The following ZNF662 variants were observed in gnomAD, a reference collection of about 807,000 sequenced individuals.
ZNF662 encodes zinc finger protein 662.
Under a neutral mutation model 12.4 loss-of-function variants are expected in ZNF662, and 14 were observed. The observed-to-expected ratio is 1.13, with a 90% CI of 0.75 to 1.77. The LOEUF is 1.77. Ranked by LOEUF, ZNF662 falls within the 40% of genes most tolerant of loss-of-function variation. The pLI is 0.00. For synonymous variants in ZNF662, 184 were observed against 176.4 expected (o/e 1.04, Z -0.34); for missense variants, 550 against 515.6 (o/e 1.07, Z -0.65).
rs146480012 is a variant in ZNF662 at position 42,908,048 on chromosome 3, C to T, written c.-67C>T. 110 of 1,614,120 alleles carry T rather than the reference C, an allele frequency of 6.8e-5. No homozygotes were observed. In the East Asian group the frequency reaches 1.4e-3, roughly 20 times the overall value. ...AGTCAGTGACCTTCGAGGATGTGGCCGTCTACTTCTCTGAGAACGAATGGA... is the reference window on the plus strand; with the variant it reads ...AGTCAGTGACCTTCGAGGATGTGGCTGTCTACTTCTCTGAGAACGAATGGA... On this transcript the variant is annotated 5_prime_UTR_variant, in exon 2 of 5. Coordinates refer to ENST00000440367, the MANE Select transcript of ZNF662 (RefSeq NM_207404.4).
At position 42,917,725 on chromosome 3, in the gene ZNF662, C is replaced by T. The variant is rs1044246896; in HGVS notation, c.*2371C>T. On this transcript the variant is annotated 3_prime_UTR_variant, in exon 5 of 5. Transcript: ENST00000440367. ...GAAATCACTGTTTTCTCATACAGCTCCTCAGTGTCACCTTTTCCTCTTGCT... is the reference window on the plus strand; with the variant it reads ...GAAATCACTGTTTTCTCATACAGCTTCTCAGTGTCACCTTTTCCTCTTGCT... 1.6e-5 allele frequency: 10 copies of T among 608,004 alleles called. No individual in the cohort carries two copies. Among genetic ancestry groups the T allele is most frequent in the Non-Finnish European group, 2.6e-5 (9 of 343,776 alleles). The allele number at this position is 608,004 out of a possible 1,614,324, so 37.7% of individuals were successfully genotyped here. A position where few individuals can be genotyped will look rare whatever the true frequency, so the allele number is the denominator to read the frequency against.
intron 3 of ZNF662, among the ~76,000 whole-genome samples, chr3:42,912,700 A>ATATATAAATATATATATATATTTTT (rs2088838600): frequency 2.3e-5 from 2 of 87,034 alleles, no homozygotes; most frequent in South Asian, 3.2e-4. Context: ...TATATTTTAT[A>ATATATAAATATATATATATATTTTT]TATATAAATA....
At position 42,914,716 on chromosome 3, in the gene ZNF662, A is replaced by G; in HGVS notation, c.643A>G (p.Asn215Asp). 4 of 1,614,224 alleles carry G rather than the reference A, an allele frequency of 2.5e-6. No homozygotes were observed. The South Asian group carries it at 4.4e-5, about 18-fold the overall frequency. ...EDFDQHQKTH[N>D]GEKVYGCKEC... is the part of the protein sequence containing the mutation. ...CTTTGATCAACACCAGAAAACTCAT[A>G]ATGGAGAGAAGGTCTATGGATGTAA... is the stretch of plus-strand genomic sequence containing the variant. Residue 215 changes from asparagine (N) to aspartate (D), a missense_variant, in exon 5 of 5, where the codon AAT becomes GAT. Physicochemically the swap from Asn to Asp is conservative, Grantham distance 23. Transcript: ENST00000440367.
rs2687907 is a variant in ZNF662 at position 42,918,639 on chromosome 3, A to G, written c.*3285A>G. Among the ~76,000 whole-genome samples, 557 of 13,776 alleles carry G rather than the reference A, an allele frequency of 0.04. 6 individuals are homozygous for G. The highest frequency in any genetic ancestry group is 0.059 in the African/African-American group (543 of 9,188). The allele number at this position is 13,776 out of a possible 152,430, so 9.0% of individuals were successfully genotyped here. On this transcript the variant is annotated 3_prime_UTR_variant, in exon 5 of 5. Transcript: ENST00000440367. ...CTCTAAAGAAGTACATCTAACTTAG[A>G]ATAAGGATAAGGATAAGGGTAGTGA...
At position 42,914,905 on chromosome 3, in the gene ZNF662, T is replaced by C. The variant is rs770231514; in HGVS notation, c.832T>C (p.Cys278Arg). Residue 278 changes from cysteine to arginine, a missense_variant, in exon 5 of 5, where the codon TGT becomes CGT. Cys to Arg is a radical substitution (Grantham distance 180). Transcript: ENST00000440367. ...RIHTGEKPFE[C>R]KECGKGFSQN... is the part of the protein sequence containing the mutation. ...ACATACTGGAGAGAAACCCTTTGAA[T>C]GTAAGGAATGTGGGAAGGGCTTTAG... The C allele has an allele frequency of 5.6e-6, 9 of 1,614,228 alleles. No homozygotes were observed. In the South Asian group the frequency reaches 8.8e-5, roughly 16 times the overall value.
At chr3:42,907,925 A>G in intron 1 of ZNF662, 97 bp from the exon 2 acceptor site, 3 of 1,485,698 alleles carry the variant, frequency 2.0e-6, no homozygotes. Flanking sequence ...CAGAATCCCC[A>G]CAGGCACCCC....
intron 1 of ZNF662, chr3:42,907,724 T>C (rs1340547512): frequency 3.2e-5 from 32 of 985,308 alleles, no homozygotes; most frequent in Non-Finnish European, 3.9e-5. Context: ...GGATGGGACC[T>C]AGAGCACAGA....
Position 42,906,309 on chromosome 3 carries a change from C to T in ZNF662, c.-94+141C>T, listed in dbSNP as rs2088677341. 2.6e-6 allele frequency: 4 copies of T among 1,518,962 alleles called. No homozygotes were observed. The Admixed American group carries it at 6.0e-5, about 23-fold the overall frequency. The allele number at this position is 1,518,962 out of a possible 1,614,324, so 94.1% of individuals were successfully genotyped here. On this transcript the variant is annotated intron_variant, in intron 1 of 4. Transcript: ENST00000440367. This position sits in a 1 kb window ranked among gnomAD's most constrained non-coding sequence, Gnocchi z 4.4. The stretch of plus-strand genomic sequence containing the variant: ...TTCCGCGACCCCAACAGCCTCTGGT[C>T]CGGTCTGGCGCGCCCTCGCTTTCCC...
At chr3:42,910,298 G>A (rs1309537527) in intron 3 of ZNF662, among the ~76,000 whole-genome samples, 4 of 152,178 alleles carry the variant, frequency 2.6e-5, no homozygotes, top group Non-Finnish European at 5.9e-5. Flanking sequence ...TCAAGATGGC[G>A]GCAGTACAGT....
In ZNF662 at chr3:42,906,963, G is replaced by A. The variant is rs557252261; in HGVS notation, c.-94+795G>A. ...ATTGTCTGTAGTGCAGAGGAATGTGGACTCTATTAGGCAGACAAAGTTGAG... is the reference window on the plus strand; with the variant it reads ...ATTGTCTGTAGTGCAGAGGAATGTGAACTCTATTAGGCAGACAAAGTTGAG... On this transcript the variant is annotated intron_variant, in intron 1 of 4. Transcript: ENST00000440367. The surrounding 1 kb of genome is among the most constrained non-coding windows in gnomAD (Gnocchi z 4.4). Among the ~76,000 whole-genome samples, 23 of 152,196 alleles carry A rather than the reference G, an allele frequency of 1.5e-4. No individual in the cohort carries two copies. Among genetic ancestry groups the A allele is most frequent in the Non-Finnish European group, 2.9e-4 (20 of 68,030 alleles).
Position 42,913,238 on chromosome 3 carries a change from T to G in ZNF662, c.189T>G (p.Pro63=). The G allele has an allele frequency of 1.7e-5, 27 of 1,614,134 alleles. No individual in the cohort carries two copies. Among genetic ancestry groups the G allele is most frequent in the Non-Finnish European group, 2.3e-5 (27 of 1,179,972 alleles). Reference sequence around the variant, plus strand: ...TAAAGCCTGCTGGGATTTCCCATCCTGAGCAGGTGGAAGAGCCATTAAACC... The same window carrying G: ...TAAAGCCTGCTGGGATTTCCCATCCGGAGCAGGTGGAAGAGCCATTAAACC... ...PFLKPAGISH[P]EQVEEPLNLK... The change falls in exon 4 of 5, where the codon CCT becomes CCG. Residue 63 remains proline, a synonymous_variant. Coordinates refer to ENST00000440367, the MANE Select transcript of ZNF662 (RefSeq NM_207404.4).
Position 42,906,200 on chromosome 3 carries a change from G to A in ZNF662, c.-94+32G>A. 1 of 638,614 alleles carries A rather than the reference G, an allele frequency of 1.6e-6. No individual in the cohort carries two copies. Among genetic ancestry groups the A allele is most frequent in the Non-Finnish European group, 2.5e-6 (1 of 397,254 alleles). The allele number at this position is 638,614 out of a possible 1,614,324, so 39.6% of individuals were successfully genotyped here. A position where few individuals can be genotyped will look rare whatever the true frequency, so the allele number is the denominator to read the frequency against. On this transcript the variant is annotated intron_variant, in intron 1 of 4. Transcript: ENST00000440367. This position sits in a 1 kb window ranked among gnomAD's most constrained non-coding sequence, Gnocchi z 4.4. ...AGCACGGGGAGTCGGGCGTGGGGCGGGCAGGGAGTGGAGTCGGGGTCTTAC... is the reference window on the plus strand; with the variant it reads ...AGCACGGGGAGTCGGGCGTGGGGCGAGCAGGGAGTGGAGTCGGGGTCTTAC...
chr3:42,913,374 A>C (rs2088855006), intron 4 of ZNF662, 72 bp downstream of exon 4: 1 of 1,315,940 alleles, frequency 7.6e-7, no homozygotes, highest in African/African-American at 1.4e-5. Flanking sequence ...AAGATGTAAA[A>C]GTCCATTTTG....
Position 42,917,447 on chromosome 3 carries a change from A to G in ZNF662, c.*2093A>G. On this transcript the variant is annotated 3_prime_UTR_variant, in exon 5 of 5. Coordinates refer to ENST00000440367, the MANE Select transcript of ZNF662 (RefSeq NM_207404.4). The stretch of plus-strand genomic sequence containing the variant: ...ATAGCAACTTTTTTTTTCTGTTAAA[A>G]GGGGAGATTCTCAAGCTTCCAGGTG... 1 of 681,782 alleles carries G rather than the reference A, an allele frequency of 1.5e-6. No homozygotes were observed. The allele number at this position is 681,782 out of a possible 1,614,324, so 42.2% of individuals were successfully genotyped here. A position where few individuals can be genotyped will look rare whatever the true frequency, so the allele number is the denominator to read the frequency against.
chr3:42,915,070 G>T lies in ZNF662; in HGVS notation c.997G>T (p.Glu333Ter), dbSNP rs760232360. Residue 333 changes from glutamate to a stop codon, truncating the protein, a stop_gained, in exon 5 of 5, where the codon GAA becomes TAA. Coordinates refer to ENST00000440367, the MANE Select transcript of ZNF662 (RefSeq NM_207404.4). LOFTEE classifies it low-confidence loss of function (END_TRUNC). Reference sequence around the variant, plus strand: ...AATGCACACTGGGGAGAAGCCTTACGAATGTAAGGACTGTGGGAAGGGCTT... The same window carrying T: ...AATGCACACTGGGGAGAAGCCTTACTAATGTAAGGACTGTGGGAAGGGCTT... ...QRMHTGEKPY[E>*]CKDCGKGFMW... 2 of 1,614,186 alleles carry T rather than the reference G, an allele frequency of 1.2e-6. No individual in the cohort carries two copies. The highest frequency in any genetic ancestry group is 1.7e-6 in the Non-Finnish European group (2 of 1,180,036).
At chr3:42,912,371 ATATAT>A (rs1169591608) in intron 3 of ZNF662, among the ~76,000 whole-genome samples, 3 of 101,058 alleles carry the variant, frequency 3.0e-5, no homozygotes, top group South Asian at 5.5e-4. Flanking sequence ...ATTATATATG[ATATAT>A]TAAATATATA....
chr3:42,912,430 TATA>T (rs1365173938), intron 3 of ZNF662, among the ~76,000 whole-genome samples: 13 of 98,044 alleles, frequency 1.3e-4, no homozygotes, highest in African/African-American at 4.2e-4. Flanking sequence ...TTAATATATA[TATA>T]ATATTTTTGT....
Position 42,915,208 on chromosome 3 carries a change from C to A in ZNF662, c.1135C>A (p.Gln379Lys). Residue 379 changes from glutamine to lysine, a missense_variant, in exon 5 of 5, where the codon CAA becomes AAA. Coordinates refer to ENST00000440367, the MANE Select transcript of ZNF662 (RefSeq NM_207404.4). ...FFCKAHLIRH[Q>K]RIHTGERPYK... ...TTGCAAGGCACATCTTATTCGACAT[C>A]AAAGAATCCATACTGGGGAAAGACC... is the stretch of plus-strand genomic sequence containing the variant. 1 of 1,614,138 alleles carries A rather than the reference C, an allele frequency of 6.2e-7. No homozygotes were observed. The highest frequency in any genetic ancestry group is 1.1e-5 in the South Asian group (1 of 91,080).
chr3:42,906,326 C>G lies in ZNF662; in HGVS notation c.-94+158C>G. 6.5e-7 allele frequency: 1 copy of G among 1,527,180 alleles called. No individual in the cohort carries two copies. Among genetic ancestry groups the G allele is most frequent in the Non-Finnish European group, 8.8e-7 (1 of 1,141,880 alleles). The allele number at this position is 1,527,180 out of a possible 1,614,324, so 94.6% of individuals were successfully genotyped here. On this transcript the variant is annotated intron_variant, in intron 1 of 4. Transcript: ENST00000440367. The surrounding 1 kb of genome is among the most constrained non-coding windows in gnomAD (Gnocchi z 4.4). ...CCTCTGGTCCGGTCTGGCGCGCCCT[C>G]GCTTTCCCAGAGGGCGACCTGGGCT...
Sources: gnomAD v4.1 joint callset for allele counts (sites outside exome capture counted in the v4.1 genomes callset) on GRCh38, gnomAD v4.1.1 for gene constraint, Gnocchi (gnomAD v3.1) non-coding constraint, MANE v1.5 for transcripts, NCBI Gene and HGNC (gene_info 2026-07-23, HGNC 2026-07-21) for gene names.